The following SNTG1 variants were observed in gnomAD, a reference collection of about 807,000 sequenced individuals.
SNTG1 encodes syntrophin gamma 1, also known as gamma-1-syntrophin.
A neutral mutation model predicts 74.7 loss-of-function variants in SNTG1; 39 were observed. That is an observed-to-expected ratio of 0.52 (90% CI 0.40 to 0.68). SNTG1 has a LOEUF of 0.68. SNTG1 is among the 30% of genes least tolerant of loss of function. The pLI, the probability that SNTG1 is intolerant of heterozygous loss-of-function variation, is 0.00. For missense variants in SNTG1, 685 were observed against 609.5 expected, an observed-to-expected ratio of 1.12 and a Z score of -1.30; for synonymous variants, 254 against 217.1, an observed-to-expected ratio of 1.17 and a Z score of -1.49.
chr8:50,784,550 C>T (rs7832680), intron 18 of SNTG1, among the ~76,000 whole-genome samples: 14,012 of 151,900 alleles, frequency 0.092, 1,902 homozygotes, highest in African/African-American at 0.3. Flanking sequence ...ACAAATGAGG[C>T]GAAATCGAAG....
intron 16 of SNTG1, 180 bp from the exon 17 acceptor site, chr8:50,708,706 A>G: frequency 5.3e-6 from 3 of 562,956 alleles, no homozygotes; most frequent in Non-Finnish European, 3.1e-6. Context: ...AAAACCCAAC[A>G]CTCTCAGCTT....
At chr8:50,302,249 C>A (rs2089684820) in intron 2 of SNTG1, among the ~76,000 whole-genome samples, 1 of 152,142 alleles carries the variant, frequency 6.6e-6, no homozygotes, top group African/African-American at 2.4e-5. Flanking sequence ...AGGCATCCTG[C>A]CCCACTAAGG....
chr8:50,091,458 A>G (rs779185101), intron 1 of SNTG1, among the ~76,000 whole-genome samples: 8 of 152,118 alleles, frequency 5.3e-5, no homozygotes, highest in Middle Eastern at 3.4e-3. Context: ...GCAACTCCCA[A>G]TCCCTGGTTA....
At chr8:50,335,980 G>T (rs1309118498) in intron 2 of SNTG1, among the ~76,000 whole-genome samples, 2 of 151,972 alleles carry the variant, frequency 1.3e-5, no homozygotes, top group African/African-American at 4.8e-5. Flanking sequence ...AAACACAAAG[G>T]TCTTTCAGAT....
chr8:50,007,974 C>T (rs1815403973), intron 1 of SNTG1, among the ~76,000 whole-genome samples: 1 of 151,816 alleles, frequency 6.6e-6, no homozygotes, highest in South Asian at 2.1e-4. Flanking sequence ...CTTTTAAAAC[C>T]ATCAGATTTT....
chr8:50,243,696 T>TA (rs1049269191), intron 2 of SNTG1, among the ~76,000 whole-genome samples: 14 of 152,018 alleles, frequency 9.2e-5, no homozygotes, highest in African/African-American at 3.1e-4. Flanking sequence ...TAATTTTTTT[T>TA]TTACTGTTCC....
intron 18 of SNTG1, among the ~76,000 whole-genome samples, chr8:50,769,983 G>A (rs1199349838): frequency 6.6e-6 from 1 of 152,024 alleles, no homozygotes; most frequent in East Asian, 1.9e-4. Flanking sequence ...AGGAGATTAA[G>A]ATACATAATA....
rs74382382 is a variant in SNTG1 at position 50,238,557 on chromosome 8, T to C, written c.-28+65922T>C. ...AAAAATCCTAGAGGAAGACCTAGGA[T>C]ATATCATTCTGGACATTATTTCTGG... is the stretch of plus-strand genomic sequence containing the variant. On this transcript the variant is annotated intron_variant, in intron 2 of 18. Coordinates refer to ENST00000642720, the MANE Select transcript of SNTG1 (RefSeq NM_018967.5). Among the ~76,000 whole-genome samples the C allele has an allele frequency of 2.2e-4, 34 of 152,190 alleles. No individual in the cohort carries two copies. In the South Asian group the frequency reaches 4.1e-3, roughly 19 times the overall value.
chr8:50,265,502 C>T (rs192292880), intron 2 of SNTG1, among the ~76,000 whole-genome samples: 1 of 151,876 alleles, frequency 6.6e-6, no homozygotes, highest in Non-Finnish European at 1.5e-5. Context: ...TATAAAAAAC[C>T]TATAGCTGGC....
intron 8 of SNTG1, among the ~76,000 whole-genome samples, chr8:50,498,127 A>C (rs2093920048): frequency 6.6e-6 from 1 of 151,934 alleles, no homozygotes; most frequent in African/African-American, 2.4e-5. Flanking sequence ...ATAAATTTCT[A>C]AAAATTAATT....
intron 2 of SNTG1, among the ~76,000 whole-genome samples, chr8:50,212,064 C>T (rs2084546373): frequency 6.6e-6 from 1 of 152,088 alleles, no homozygotes; most frequent in Non-Finnish European, 1.5e-5. Context: ...CGCATTTTGG[C>T]AACATTGAGA....
chr8:50,627,721 A>G (rs2094966278), intron 13 of SNTG1, among the ~76,000 whole-genome samples: 1 of 152,212 alleles, frequency 6.6e-6, no homozygotes, highest in African/African-American at 2.4e-5. Flanking sequence ...AGTTTATTAT[A>G]AAGAATGTTA....
At chr8:49,921,430 G>A (rs1001494096) in intron 1 of SNTG1, among the ~76,000 whole-genome samples, 1 of 152,080 alleles carries the variant, frequency 6.6e-6, no homozygotes, top group Non-Finnish European at 1.5e-5. Flanking sequence ...TTAACATAAT[G>A]TTTGGACTGT....
intron 2 of SNTG1, among the ~76,000 whole-genome samples, chr8:50,180,749 C>G (rs1220207780): frequency 8.8e-5 from 11 of 125,078 alleles, no homozygotes; most frequent in Admixed American, 6.9e-4. Context: ...GATTGTGAAG[C>G]CTTTTTTTTT....
chr8:50,214,431 TA>T (rs1227306620), intron 2 of SNTG1, among the ~76,000 whole-genome samples: 5 of 151,654 alleles, frequency 3.3e-5, no homozygotes, highest in African/African-American at 1.2e-4. Flanking sequence ...AAAATAAAAA[TA>T]AAAAATGAAA....
chr8:50,307,048 T>C (rs1055935637), intron 2 of SNTG1, among the ~76,000 whole-genome samples: 1 of 152,102 alleles, frequency 6.6e-6, no homozygotes, highest in Non-Finnish European at 1.5e-5. Context: ...TTCCTGTATA[T>C]AGTTATTCAT....
chr8:50,783,033 C>A lies in SNTG1; in HGVS notation c.1396-9638C>A, dbSNP rs182489535. 7.9e-3 allele frequency among the ~76,000 whole-genome samples: 1,207 copies of A among 152,224 alleles called. 4 individuals carry two copies. Among genetic ancestry groups the A allele is most frequent in the Middle Eastern group, 0.017 (5 of 294 alleles). Reference sequence around the variant, plus strand: ...CAGAAGAGCCGATTTTCATGAACCGCAAATGCTGCTGTCTGATCGTTCCTC... The same window carrying A: ...CAGAAGAGCCGATTTTCATGAACCGAAAATGCTGCTGTCTGATCGTTCCTC... On this transcript the variant is annotated intron_variant, in intron 18 of 18. Coordinates refer to ENST00000642720, the MANE Select transcript of SNTG1 (RefSeq NM_018967.5).
At chr8:49,989,543 A>C (rs1364606273) in intron 1 of SNTG1, among the ~76,000 whole-genome samples, 1 of 151,944 alleles carries the variant, frequency 6.6e-6, no homozygotes, top group African/African-American at 2.4e-5. Flanking sequence ...AGTCAATATA[A>C]TTTTTAGCAA....
chr8:50,095,861 AG>A (rs1289855297), intron 1 of SNTG1, among the ~76,000 whole-genome samples: 6 of 152,070 alleles, frequency 3.9e-5, no homozygotes, highest in Non-Finnish European at 7.4e-5. Context: ...CTCCAAAGTG[AG>A]CACAAGCCTA....
Sources: gnomAD v4.1 joint callset for allele counts (sites outside exome capture counted in the v4.1 genomes callset) on GRCh38, gnomAD v4.1.1 for gene constraint, MANE v1.5 for transcripts, NCBI Gene and HGNC (gene_info 2026-07-23, HGNC 2026-07-21) for gene names.